EYS: variants seen among roughly 807,000 people sequenced by gnomAD.
EYS encodes the protein EGF-like photoreceptor maintenance factor.
EYS carries 250 observed loss-of-function variants against 282.1 expected under a neutral mutation model. The observed-to-expected ratio is 0.89, with a 90% CI of 0.80 to 0.98. The LOEUF is 0.98. EYS is among the 50% of genes least tolerant of loss of function. The probability of loss-of-function intolerance (pLI) is 0.00; values close to 1 mark genes in which losing one functional copy is unlikely to be tolerated. For missense variants in EYS, 4,016 were observed against 3,709.0 expected (o/e 1.08, Z -2.15); for synonymous variants, 1,355 against 1,282.9 (o/e 1.06, Z -1.20).
In EYS at chr6:64,339,598, C is replaced by T. The variant is rs370255746; in HGVS notation, c.6079-32516G>A. On this transcript the variant is annotated intron_variant, in intron 29 of 42. Transcript: ENST00000503581. ...ATTCTTTAAAGAACGAAAAGTAGAA[C>T]TACCATTTGATCCGGCAATCCCACT... is the stretch of plus-strand genomic sequence containing the variant. 2.6e-5 allele frequency among the ~76,000 whole-genome samples: 4 copies of T among 151,968 alleles called. No individual in the cohort carries two copies. The South Asian group carries it at 8.3e-4, about 32-fold the overall frequency.
At chr6:63,920,360 G>A (rs1029500346) in intron 35 of EYS, among the ~76,000 whole-genome samples, 1 of 152,142 alleles carries the variant, frequency 6.6e-6, no homozygotes, top group Admixed American at 6.6e-5. Context: ...AGAGACCAGA[G>A]GGTAGGAGGA....
At chr6:65,540,843 A>G (rs534782772) in intron 2 of EYS, among the ~76,000 whole-genome samples, 387 of 152,254 alleles carry the variant, frequency 2.5e-3, no homozygotes, top group Non-Finnish European at 4.3e-3. Flanking sequence ...GAATCGCTTG[A>G]ATCCGGGAAG....
intron 32 of EYS, among the ~76,000 whole-genome samples, chr6:64,076,216 T>C (rs548592679): frequency 6.6e-6 from 1 of 152,036 alleles, no homozygotes; most frequent in Admixed American, 6.6e-5. Context: ...ATCAGAGGAA[T>C]AAATTATAAC....
At chr6:63,875,825 T>C (rs1298311649) in intron 35 of EYS, among the ~76,000 whole-genome samples, 1 of 152,220 alleles carries the variant, frequency 6.6e-6, no homozygotes, top group Non-Finnish European at 1.5e-5. Flanking sequence ...ATATCCCCTT[T>C]ATCATTTTTT....
intron 41 of EYS, among the ~76,000 whole-genome samples, chr6:63,730,925 G>A: frequency 6.6e-6 from 1 of 152,172 alleles, no homozygotes; most frequent in Non-Finnish European, 1.5e-5. Flanking sequence ...GGAGGCTGAG[G>A]CAGGAGGATC....
At chr6:65,442,279 T>G (rs936260795) in intron 5 of EYS, among the ~76,000 whole-genome samples, 1 of 152,078 alleles carries the variant, frequency 6.6e-6, no homozygotes, top group African/African-American at 2.4e-5. Context: ...ATTCAGTACT[T>G]GGTCTCACCT....
In EYS at chr6:64,296,590, A is replaced by T. The variant is rs1561913850; in HGVS notation, c.6191+10380T>A. Among the ~76,000 whole-genome samples, 41 of 4,632 alleles carry T rather than the reference A, an allele frequency of 8.9e-3. 2 individuals carry two copies. The highest frequency in any genetic ancestry group is 0.032 in the African/African-American group (38 of 1,196). 3.0% of individuals were successfully genotyped at this position (4,632 alleles called of 152,430 possible). On this transcript the variant is annotated intron_variant, in intron 30 of 42. Transcript: ENST00000503581. ...TATATATATATATATATATACATAT[A>T]TATATATATTTTTTTTTTTTTTTTT... is the stretch of plus-strand genomic sequence containing the variant.
At chr6:63,829,313 C>G (rs544829364) in intron 36 of EYS, among the ~76,000 whole-genome samples, 1 of 152,268 alleles carries the variant, frequency 6.6e-6, no homozygotes, top group Admixed American at 6.5e-5. Context: ...CCTTTCCCAG[C>G]AAAGGGAAGC....
At chr6:64,927,643 T>C (rs1349199529) in intron 15 of EYS, among the ~76,000 whole-genome samples, 5 of 152,048 alleles carry the variant, frequency 3.3e-5, no homozygotes, top group South Asian at 2.1e-4. Context: ...GTGTAAGAAG[T>C]CCTAAATTCT....
chr6:64,456,587 T>A (rs1268604011), intron 26 of EYS, among the ~76,000 whole-genome samples: 1 of 152,082 alleles, frequency 6.6e-6, no homozygotes, highest in Non-Finnish European at 1.5e-5. Context: ...TAGAATTTGC[T>A]CCAGATTGTA....
At chr6:64,022,902 A>G (rs1769259232) in intron 33 of EYS, among the ~76,000 whole-genome samples, 1 of 152,244 alleles carries the variant, frequency 6.6e-6, no homozygotes, top group Non-Finnish European at 1.5e-5. Flanking sequence ...GTCTGTGTGT[A>G]TGCCCTGAAA....
intron 5 of EYS, among the ~76,000 whole-genome samples, chr6:65,455,634 C>G (rs1357002370): frequency 1.3e-5 from 2 of 151,996 alleles, no homozygotes; most frequent in African/African-American, 4.8e-5. Flanking sequence ...TATATGCCAA[C>G]AAATTAGATA....
At position 65,430,502 on chromosome 6, in the gene EYS, C is replaced by T. The variant is rs73445181; in HGVS notation, c.863-25135G>A. ...TAGGGACTGCAACTCATAGGCAAGTCCTAGCACTGAACTAAGCTGATACAG... is the reference window on the plus strand; with the variant it reads ...TAGGGACTGCAACTCATAGGCAAGTTCTAGCACTGAACTAAGCTGATACAG... On this transcript the variant is annotated intron_variant, in intron 5 of 42. Coordinates refer to ENST00000503581, the MANE Select transcript of EYS (RefSeq NM_001142800.2). Among the ~76,000 whole-genome samples the T allele has an allele frequency of 6.2e-3, 945 of 152,242 alleles. 10 individuals are homozygous for T. The highest frequency in any genetic ancestry group is 0.021 in the African/African-American group (880 of 41,548).
chr6:64,516,725 G>A (rs541791121), intron 26 of EYS, among the ~76,000 whole-genome samples: 2 of 151,738 alleles, frequency 1.3e-5, no homozygotes, highest in South Asian at 4.2e-4. Context: ...TTGGTTAAAT[G>A]GAATTAAAAT....
intron 21 of EYS, among the ~76,000 whole-genome samples, chr6:64,820,422 TG>T (rs1264227379): frequency 6.6e-6 from 1 of 152,132 alleles, no homozygotes; most frequent in African/African-American, 2.4e-5. Context: ...TTAAGAAATA[TG>T]GTTTTAGACA....
chr6:64,052,398 T>C (rs940689494), intron 33 of EYS, among the ~76,000 whole-genome samples: 5 of 152,176 alleles, frequency 3.3e-5, no homozygotes, highest in Non-Finnish European at 5.9e-5. Flanking sequence ...TCAACTTGCA[T>C]CAGTCTTTTA....
At chr6:64,622,556 A>G (rs904977928) in intron 23 of EYS, among the ~76,000 whole-genome samples, 1 of 152,148 alleles carries the variant, frequency 6.6e-6, no homozygotes, top group African/African-American at 2.4e-5. Flanking sequence ...TGTTTGTACT[A>G]AAATGAAGAG....
chr6:65,521,577 A>G (rs896453556), intron 2 of EYS, among the ~76,000 whole-genome samples: 2 of 152,174 alleles, frequency 1.3e-5, no homozygotes, highest in African/African-American at 4.8e-5. Context: ...ATAGCCAAAC[A>G]TACCTGACAG....
At chr6:64,089,717 A>G (rs1582252353) in intron 31 of EYS, among the ~76,000 whole-genome samples, 3 of 152,152 alleles carry the variant, frequency 2.0e-5, no homozygotes, top group East Asian at 3.9e-4. Flanking sequence ...GTGCTGATAA[A>G]AATTTACTAC....
Sources: allele counts gnomAD v4.1 joint callset (sites outside exome capture counted in the v4.1 genomes callset), GRCh38; gene constraint gnomAD v4.1.1; transcripts MANE v1.5; gene names NCBI Gene and HGNC (gene_info 2026-07-23, HGNC 2026-07-21).